Variants in TFDP1 observed in about 807,000 individuals in gnomAD.
TFDP1 encodes the protein DRTF1-polypeptide 1.
TFDP1 carries 6 observed loss-of-function variants against 48.0 expected under a neutral mutation model. The ratio of observed to expected loss-of-function variants is 0.13; its 90% confidence interval spans 0.07 to 0.25. The LOEUF (loss-of-function observed/expected upper bound fraction) is 0.25. Ranked by LOEUF, TFDP1 falls within the 10% of genes least tolerant of loss-of-function variation. TFDP1 has a pLI of 1.00. For synonymous variants in TFDP1, 201 were observed against 211.6 expected, an observed-to-expected ratio of 0.95 and a Z score of 0.44; for missense variants, 335 against 543.0, an observed-to-expected ratio of 0.62 and a Z score of 3.81.
chr13:113,634,354 A>T, intron 7 of TFDP1, 180 bp from the exon 8 acceptor site: 1 of 644,988 alleles, frequency 1.6e-6, no homozygotes, highest in South Asian at 1.9e-5. Flanking sequence ...ATAGTTTAGA[A>T]ATGGAAAAAA....
intron 2 of TFDP1, among the ~76,000 whole-genome samples, chr13:113,604,160 C>CAAA (rs5806996): frequency 6.7e-5 from 7 of 104,462 alleles, no homozygotes; most frequent in Middle Eastern, 5.1e-3. Context: ...CAGCCTGTCT[C>CAAA]AAAAAAAAAA....
intron 2 of TFDP1, among the ~76,000 whole-genome samples, chr13:113,589,646 G>C (rs182307963): frequency 6.6e-6 from 1 of 152,046 alleles, no homozygotes; most frequent in East Asian, 1.9e-4. Context: ...GTGGGCTCCC[G>C]TTGCAGGTAC....
intron 3 of TFDP1, among the ~76,000 whole-genome samples, chr13:113,613,112 A>G (rs761203617): frequency 2.6e-5 from 4 of 152,066 alleles, no homozygotes; most frequent in Non-Finnish European, 5.9e-5. Flanking sequence ...TGCCTCCCGG[A>G]TTCAAGCGAT....
At chr13:113,626,912 C>T (rs1008418650) in intron 4 of TFDP1, among the ~76,000 whole-genome samples, 3 of 152,116 alleles carry the variant, frequency 2.0e-5, no homozygotes, top group South Asian at 2.1e-4. Context: ...TCTTTACTGC[C>T]GGTGTGAATA....
rs1174588967 is a variant in TFDP1 at position 113,627,511 on chromosome 13, G to T, written c.187-4112G>T. 6.6e-6 allele frequency among the ~76,000 whole-genome samples: 1 copy of T among 152,298 alleles called. No individual in the cohort carries two copies. The highest frequency in any genetic ancestry group is 6.5e-5 in the Admixed American group (1 of 15,306). ...CGCGGTTAACCTTGGTCCATCTCTA[G>T]GATTCTGTGTCTGAGTGGGGTCACA... On this transcript the variant is annotated intron_variant, in intron 4 of 11. Coordinates refer to ENST00000375370, the MANE Select transcript of TFDP1 (RefSeq NM_007111.5). This position sits in a 1 kb window ranked among gnomAD's most constrained non-coding sequence, Gnocchi z 4.1.
intron 10 of TFDP1, 56 bp from the exon 11 acceptor site, chr13:113,637,762 G>T: frequency 6.2e-7 from 1 of 1,614,124 alleles, no homozygotes; most frequent in Non-Finnish European, 8.5e-7. Context: ...GGTTGCCTGT[G>T]CGTCTTGTGT....
In TFDP1 at chr13:113,640,133, G is replaced by A. The variant is rs770888592; in HGVS notation, c.1099G>A (p.Gly367Ser). The A allele has an allele frequency of 8.1e-6, 13 of 1,605,646 alleles. No individual in the cohort carries two copies. In the South Asian group the frequency reaches 8.9e-5, roughly 11 times the overall value. The part of the protein sequence containing the change: ...TRFSASDLTN[G>S]ADGMLATSSN... ...CCTGCCTTGCAGTGACCTGACCAAC[G>A]GTGCAGATGGGATGCTGGCCACAAG... Residue 367 changes from glycine to serine, a missense_variant, in exon 12 of 12, where the codon GGT (glycine) becomes AGT (serine). Around this residue, in one of 3 missense-constraint regions of TFDP1, gnomAD observed 204 missense variants for 287.1 expected, o/e 0.71. Coordinates refer to ENST00000375370, the MANE Select transcript of TFDP1 (RefSeq NM_007111.5).
chr13:113,600,373 A>T (rs565889366), intron 2 of TFDP1, among the ~76,000 whole-genome samples: 1 of 84,774 alleles, frequency 1.2e-5, no homozygotes, highest in East Asian at 3.3e-4. Flanking sequence ...CAGGACCGCG[A>T]TAGAGAACCC....
chr13:113,636,127 A>C lies in TFDP1; in HGVS notation c.838A>C (p.Lys280Gln). ...CATCGACTGCAGCATCTCCAATGAC[A>C]AGTAGGTTGTGGGCGGGGAGCTGTT... ...TVIDCSISND[K>Q]FEYLFNFDNT... The change falls in exon 9 of 12, where the codon AAA (lysine) becomes CAA (glutamine). Residue 280 changes from lysine to glutamine, a missense_variant and splice_region_variant. By Grantham distance (53) the Lys-to-Gln change is moderately conservative. Transcript: ENST00000375370. 1 of 1,614,116 alleles carries C rather than the reference A, an allele frequency of 6.2e-7. No homozygotes were observed. The highest frequency in any genetic ancestry group is 8.5e-7 in the Non-Finnish European group (1 of 1,179,998).
chr13:113,588,916 AGAGT>A (rs1295726212), intron 2 of TFDP1, among the ~76,000 whole-genome samples: 2 of 149,342 alleles, frequency 1.3e-5, no homozygotes, highest in Non-Finnish European at 3.0e-5. Context: ...TGGAGTTGGT[AGAGT>A]GAGTGTGGTG....
At chr13:113,587,086 C>T (rs949988515) in intron 2 of TFDP1, among the ~76,000 whole-genome samples, 1 of 152,166 alleles carries the variant, frequency 6.6e-6, no homozygotes, top group Non-Finnish European at 1.5e-5. Flanking sequence ...TCAGATGGTT[C>T]TCAAACACGC....
chr13:113,634,776 C>T (rs996170896), intron 8 of TFDP1, among the ~76,000 whole-genome samples, 174 bp downstream of exon 8: 2 of 149,808 alleles, frequency 1.3e-5, no homozygotes, highest in Admixed American at 6.7e-5. Context: ...ATTCCCAGAG[C>T]GAGGTTGTGC....
chr13:113,619,361 C>G (rs1259267745), intron 3 of TFDP1, among the ~76,000 whole-genome samples: 2 of 151,794 alleles, frequency 1.3e-5, no homozygotes, highest in Non-Finnish European at 2.9e-5. Context: ...GTCCCAGCTA[C>G]TCAGGAGGCT....
In TFDP1 at chr13:113,640,264, C is replaced by G. The variant is rs1179804794; in HGVS notation, c.1230C>G (p.Asp410Glu). ...DDDFNENDEDD is the reference protein window; with the variant it reads ...DDDFNENDEDE ...ACTTCAACGAGAATGACGAGGACGACTGACGTCCTCCCCACTTCAGATTCG... is the reference window on the plus strand; with the variant it reads ...ACTTCAACGAGAATGACGAGGACGAGTGACGTCCTCCCCACTTCAGATTCG... Residue 410 changes from aspartate (D) to glutamate (E), a missense_variant, in exon 12 of 12, where the codon GAC (aspartate) becomes GAG (glutamate). By Grantham distance (45) the Asp-to-Glu change is conservative (BLOSUM62 2). Coordinates refer to ENST00000375370, the MANE Select transcript of TFDP1 (RefSeq NM_007111.5). The G allele has an allele frequency of 2.5e-6, 4 of 1,610,732 alleles. No homozygotes were observed. The highest frequency in any genetic ancestry group is 3.4e-6 in the Non-Finnish European group (4 of 1,178,962).
At chr13:113,637,407 C>G (rs2140650523) in intron 10 of TFDP1, among the ~76,000 whole-genome samples, 1 of 152,374 alleles carries the variant, frequency 6.6e-6, no homozygotes, top group African/African-American at 2.4e-5. Flanking sequence ...TGACAGTGGG[C>G]TCTGGCCGCC....
intron 2 of TFDP1, among the ~76,000 whole-genome samples, chr13:113,601,718 C>T (rs1035583395): frequency 1.3e-5 from 2 of 152,324 alleles, no homozygotes; most frequent in East Asian, 1.9e-4. Context: ...GCCAGGTGCG[C>T]GGAAGGTGCT....
chr13:113,590,720 T>G (rs1011439590), intron 2 of TFDP1, among the ~76,000 whole-genome samples: 1 of 151,914 alleles, frequency 6.6e-6, no homozygotes, highest in Non-Finnish European at 1.5e-5. Flanking sequence ...ATTAGAAAAT[T>G]ATAGGTTGGG....
At chr13:113,597,232 C>T (rs1383010761) in intron 2 of TFDP1, among the ~76,000 whole-genome samples, 8 of 152,164 alleles carry the variant, frequency 5.3e-5, no homozygotes, top group African/African-American at 1.4e-4. Context: ...AAAACTTTTC[C>T]AGAAGAGAAA....
chr13:113,598,723 G>T lies in TFDP1; in HGVS notation c.13-12273G>T, dbSNP rs530345584. 1.3e-5 allele frequency among the ~76,000 whole-genome samples: 2 copies of T among 152,300 alleles called. No homozygotes were observed. Among genetic ancestry groups the T allele is most frequent in the Non-Finnish European group, 2.9e-5 (2 of 68,026 alleles). ...CTGGTCATTTAAGTTGCGTGGGGCC[G>T]GGAGGAGGCGTTCTCTGCCCCTACG... On this transcript the variant is annotated intron_variant, in intron 2 of 11. Coordinates refer to ENST00000375370, the MANE Select transcript of TFDP1 (RefSeq NM_007111.5). This position sits in a 1 kb window ranked among gnomAD's most constrained non-coding sequence, Gnocchi z 4.2.
Sources: allele counts gnomAD v4.1 joint callset (sites outside exome capture counted in the v4.1 genomes callset), GRCh38; gene constraint gnomAD v4.1.1; regional missense constraint gnomAD v4.1.1; non-coding constraint Gnocchi (gnomAD v3.1); transcripts MANE v1.5; gene names NCBI Gene and HGNC (gene_info 2026-07-23, HGNC 2026-07-21).